Variants in OXR1 observed in about 807,000 individuals in gnomAD.
OXR1 encodes oxidation resistance 1, also known as oxidation resistance protein 1.
OXR1 carries 41 observed loss-of-function variants against 104.6 expected under a neutral mutation model. The observed-to-expected ratio is 0.39, with a 90% CI of 0.31 to 0.51. The LOEUF (loss-of-function observed/expected upper bound fraction) is 0.51, where lower values mean the gene tolerates loss of function less well. OXR1 is among the 20% of genes least tolerant of loss of function. The probability of loss-of-function intolerance (pLI) is 0.77; values close to 1 mark genes in which losing one functional copy is unlikely to be tolerated. For missense variants in OXR1, 955 were observed against 1,031.9 expected (o/e 0.93, Z 1.02); for synonymous variants, 348 against 348.4 (o/e 1.00, Z 0.01).
At chr8:106,492,580 A>T (rs1206925706) in intron 2 of OXR1, among the ~76,000 whole-genome samples, 1 of 152,132 alleles carries the variant, frequency 6.6e-6, no homozygotes, top group Non-Finnish European at 1.5e-5. Context: ...GATGTGTGTA[A>T]AAGGAATGTC....
chr8:106,455,635 C>G (rs1315741497), intron 2 of OXR1, among the ~76,000 whole-genome samples: 1 of 152,106 alleles, frequency 6.6e-6, no homozygotes, highest in Non-Finnish European at 1.5e-5. Flanking sequence ...TGATGACCCC[C>G]TAGAGCAGTG....
At chr8:106,538,448 C>G (rs1035448592) in intron 3 of OXR1, among the ~76,000 whole-genome samples, 12 of 152,062 alleles carry the variant, frequency 7.9e-5, no homozygotes, top group African/African-American at 2.9e-4. Context: ...CTCTTTTCTA[C>G]TATTTTTTTT....
chr8:106,683,435 A>T, intron 5 of OXR1, 129 bp downstream of exon 5: 1 of 491,820 alleles, frequency 2.0e-6, no homozygotes, highest in Non-Finnish European at 3.6e-6. Context: ...AACAAATCAT[A>T]TTGGCCATGT....
chr8:106,430,425 T>A (rs1347456811), intron 2 of OXR1, among the ~76,000 whole-genome samples: 1 of 152,200 alleles, frequency 6.6e-6, no homozygotes, highest in Non-Finnish European at 1.5e-5. Flanking sequence ...GAGCTGGTTT[T>A]AACAGCTGCC....
chr8:106,670,092 A>G (rs1826782028), intron 3 of OXR1, among the ~76,000 whole-genome samples: 1 of 152,158 alleles, frequency 6.6e-6, no homozygotes, highest in Admixed American at 6.5e-5. Context: ...AGAGACCAAA[A>G]GGTGCATTTG....
chr8:106,639,247 C>T (rs1414698652), intron 3 of OXR1, among the ~76,000 whole-genome samples: 2 of 152,034 alleles, frequency 1.3e-5, no homozygotes, highest in Admixed American at 6.6e-5. Context: ...TCTGATTGTG[C>T]GGCACCTAGC....
intron 11 of OXR1, among the ~76,000 whole-genome samples, chr8:106,730,915 CAAAG>C (rs929722607): frequency 1.3e-5 from 2 of 151,698 alleles, no homozygotes; most frequent in Admixed American, 6.6e-5. Context: ...AAATAAGAAA[CAAAG>C]AAAGAAAGTA....
At chr8:106,623,463 G>A (rs775298100) in intron 3 of OXR1, among the ~76,000 whole-genome samples, 1 of 151,684 alleles carries the variant, frequency 6.6e-6, no homozygotes, top group Non-Finnish European at 1.5e-5. Context: ...GTAATAAGTC[G>A]GCACTCTGAG....
At chr8:106,273,806 C>A (rs908451809) in intron 1 of OXR1, among the ~76,000 whole-genome samples, 7 of 152,022 alleles carry the variant, frequency 4.6e-5, no homozygotes, top group African/African-American at 7.3e-5. Context: ...AACAAACAAA[C>A]AAAAAATCTT....
chr8:106,471,709 A>T (rs541568825), intron 2 of OXR1, among the ~76,000 whole-genome samples: 4 of 151,940 alleles, frequency 2.6e-5, no homozygotes, highest in East Asian at 3.9e-4. Context: ...AGATTTTTTT[A>T]AAATTTGCTC....
intron 1 of OXR1, among the ~76,000 whole-genome samples, chr8:106,326,737 G>T (rs556901240): frequency 6.6e-6 from 1 of 152,276 alleles, no homozygotes; most frequent in South Asian, 2.1e-4. Flanking sequence ...TGGAACATTT[G>T]AGGAACACGA....
At chr8:106,694,775 A>G (rs376224211) in intron 7 of OXR1, among the ~76,000 whole-genome samples, 16 of 95,088 alleles carry the variant, frequency 1.7e-4, no homozygotes, top group African/African-American at 4.8e-4. Flanking sequence ...TAATAGATAA[A>G]TACATATATA....
chr8:106,597,069 A>G (rs577436363), intron 3 of OXR1, among the ~76,000 whole-genome samples: 2 of 152,074 alleles, frequency 1.3e-5, no homozygotes, highest in African/African-American at 4.8e-5. Flanking sequence ...AACAAACAAA[A>G]AAAAGAACTA....
intron 2 of OXR1, among the ~76,000 whole-genome samples, chr8:106,412,267 T>C (rs1818486631): frequency 6.6e-6 from 1 of 152,160 alleles, no homozygotes; most frequent in Admixed American, 6.6e-5. Context: ...TTTACTCAGT[T>C]GTATTCAGTA....
intron 2 of OXR1, among the ~76,000 whole-genome samples, chr8:106,399,107 A>C (rs911161460): frequency 1.3e-5 from 2 of 152,154 alleles, no homozygotes; most frequent in African/African-American, 2.4e-5. Flanking sequence ...AATGTTGTGA[A>C]GTTTAAGTGG....
chr8:106,600,684 A>T (rs996422104), intron 3 of OXR1, among the ~76,000 whole-genome samples: 3 of 152,182 alleles, frequency 2.0e-5, no homozygotes, highest in Non-Finnish European at 2.9e-5. Flanking sequence ...TTCATGGAAG[A>T]TATAGTCAGT....
chr8:106,283,699 A>C lies in OXR1; in HGVS notation c.-139+13332A>C, dbSNP rs557924336. 7.2e-5 allele frequency among the ~76,000 whole-genome samples: 11 copies of C among 152,254 alleles called. No individual in the cohort carries two copies. In the South Asian group the frequency reaches 1.9e-3, roughly 26 times the overall value. On this transcript the variant is annotated intron_variant, in intron 1 of 16. Coordinates refer to ENST00000517566, the MANE Select transcript of OXR1 (RefSeq NM_001198533.2). ...TACAATTAGATACATACCCATTTTAAAGCTAAACTTCCTAACCATTTTAAT... is the reference window on the plus strand; with the variant it reads ...TACAATTAGATACATACCCATTTTACAGCTAAACTTCCTAACCATTTTAAT...
At chr8:106,464,305 G>T (rs1284236245) in intron 2 of OXR1, among the ~76,000 whole-genome samples, 1 of 151,994 alleles carries the variant, frequency 6.6e-6, no homozygotes, top group African/African-American at 2.4e-5. Flanking sequence ...ATTTTGTGAT[G>T]AGAAAACTGA....
chr8:106,338,503 C>T (rs1045058644), intron 1 of OXR1, among the ~76,000 whole-genome samples: 3 of 148,904 alleles, frequency 2.0e-5, no homozygotes, highest in African/African-American at 7.5e-5. Flanking sequence ...GTGGAGGTTG[C>T]AGTGAGCCAA....
Sources: gnomAD v4.1 joint callset for allele counts (sites outside exome capture counted in the v4.1 genomes callset) on GRCh38, gnomAD v4.1.1 for gene constraint, MANE v1.5 for transcripts, NCBI Gene and HGNC (gene_info 2026-07-23, HGNC 2026-07-21) for gene names.